The following UGT1A9 variants were observed in gnomAD, a reference collection of about 807,000 sequenced individuals.
UGT1A9 encodes UDP-glucuronosyltransferase 1A9.
A neutral mutation model predicts 45.0 loss-of-function variants in UGT1A9; 35 were observed. The ratio of observed to expected loss-of-function variants is 0.78; its 90% CI spans 0.59 to 1.03. The LOEUF is 1.03. Among genes scored for constraint, UGT1A9 ranks in the 50% least tolerant of loss-of-function variants. The probability of loss-of-function intolerance (pLI) is 0.00; values close to 1 mark genes in which losing one functional copy is unlikely to be tolerated. For missense variants in UGT1A9, 687 were observed against 666.6 expected, an observed-to-expected ratio of 1.03 and a Z score of -0.34; for synonymous variants, 278 against 250.6, an observed-to-expected ratio of 1.11 and a Z score of -1.03.
chr2:233,693,978 G>T (rs1189326021), intron 1 of UGT1A9: 83 of 1,557,818 alleles, frequency 5.3e-5, no homozygotes, highest in Non-Finnish European at 6.9e-5. Flanking sequence ...GAGAAACGGT[G>T]GGGGGAAGTG....
intron 1 of UGT1A9, among the ~76,000 whole-genome samples, chr2:233,711,923 C>A (rs946379005): frequency 6.6e-6 from 1 of 152,212 alleles, no homozygotes. Context: ...TGCTCAGGGT[C>A]TCTCCATTAG....
At chr2:233,719,382 C>G in intron 1 of UGT1A9, 2 of 1,613,952 alleles carry the variant, frequency 1.2e-6, no homozygotes, top group Middle Eastern at 1.7e-4. Flanking sequence ...CACACAGTGT[C>G]CAAATCCTTC....
At chr2:233,746,807 G>C (rs1340541444) in intron 1 of UGT1A9, among the ~76,000 whole-genome samples, 4 of 151,778 alleles carry the variant, frequency 2.6e-5, no homozygotes, top group Admixed American at 2.0e-4. Flanking sequence ...CGTGAATGTG[G>C]ATTGCCTACT....
intron 1 of UGT1A9, among the ~76,000 whole-genome samples, chr2:233,697,134 A>G (rs537171274): frequency 4.9e-4 from 74 of 151,982 alleles, no homozygotes; most frequent in Non-Finnish European, 9.4e-4. Context: ...ATTTTTCTGT[A>G]ATAGTTTGAG....
chr2:233,722,513 C>T (rs940650282), intron 1 of UGT1A9, among the ~76,000 whole-genome samples: 2 of 152,128 alleles, frequency 1.3e-5, no homozygotes, highest in Non-Finnish European at 2.9e-5. Flanking sequence ...TTAATTGCAG[C>T]TTATTTTTGC....
At chr2:233,765,294 GAC>G (rs1698796099) in intron 1 of UGT1A9, among the ~76,000 whole-genome samples, 1 of 152,132 alleles carries the variant, frequency 6.6e-6, no homozygotes, top group Non-Finnish European at 1.5e-5. Flanking sequence ...CTACTATAAA[GAC>G]ACATGCACAT....
chr2:233,697,115 C>G (rs1237867700), intron 1 of UGT1A9, among the ~76,000 whole-genome samples: 1 of 151,998 alleles, frequency 6.6e-6, no homozygotes, highest in Non-Finnish European at 1.5e-5. Flanking sequence ...GAAGTATTCT[C>G]TCCTCTTCAT....
At chr2:233,745,794 G>T (rs1343106553) in intron 1 of UGT1A9, among the ~76,000 whole-genome samples, 1 of 150,980 alleles carries the variant, frequency 6.6e-6, no homozygotes, top group Non-Finnish European at 1.5e-5. Context: ...GGGGGCTGGG[G>T]TCTATCCCAG....
chr2:233,722,088 C>T (rs983768867), intron 1 of UGT1A9: 6 of 215,248 alleles, frequency 2.8e-5, no homozygotes, highest in African/African-American at 1.4e-4. Context: ...CACAGATCAC[C>T]TTAGGCCTCT....
intron 1 of UGT1A9, among the ~76,000 whole-genome samples, chr2:233,762,901 A>G (rs545178357): frequency 1.3e-5 from 2 of 152,194 alleles, no homozygotes; most frequent in Admixed American, 6.5e-5. Flanking sequence ...GCCAAATATC[A>G]GGGCTATTGA....
intron 1 of UGT1A9, among the ~76,000 whole-genome samples, chr2:233,707,608 G>A (rs2075975887): frequency 2.0e-5 from 3 of 148,460 alleles, no homozygotes; most frequent in Admixed American, 2.0e-4. Flanking sequence ...GTTGTAGTTT[G>A]TGGATTGTCA....
At chr2:233,736,071 G>A (rs1216077159) in intron 1 of UGT1A9, among the ~76,000 whole-genome samples, 1 of 152,146 alleles carries the variant, frequency 6.6e-6, no homozygotes, top group Non-Finnish European at 1.5e-5. Flanking sequence ...TGCTAGGTTT[G>A]GGAAGTTCTC....
chr2:233,758,882 G>A (rs1040382997), intron 1 of UGT1A9, among the ~76,000 whole-genome samples: 12 of 152,162 alleles, frequency 7.9e-5, no homozygotes, highest in African/African-American at 2.7e-4. Context: ...ATAGTCCATG[G>A]TCAATAAATA....
chr2:233,769,864 A>C lies in UGT1A9; in HGVS notation c.1295+1425A>C, dbSNP rs2126048970. On this transcript the variant is annotated intron_variant, in intron 4 of 4. Transcript: ENST00000354728. The surrounding 1 kb of genome is among the most constrained non-coding windows in gnomAD (Gnocchi z 4.4). ...CAGAGTGAGACCCTGTCTCAAAAAA[A>C]AAAAAAAAAATGAAAAGTCCACATA... 6.3e-6 allele frequency: 3 copies of C among 472,760 alleles called. No homozygotes were observed. The highest frequency in any genetic ancestry group is 3.9e-5 in the South Asian group (1 of 25,612). The allele number at this position is 472,760 out of a possible 1,614,324, so 29.3% of individuals were successfully genotyped here. A position where few individuals can be genotyped will look rare whatever the true frequency, so the allele number is the denominator to read the frequency against.
rs73999011 is a variant in UGT1A9, at chr2:233,757,577, C to G, written c.856-9457C>G. 5.1e-3 allele frequency among the ~76,000 whole-genome samples: 424 copies of G among 82,900 alleles called. 2 individuals are homozygous for G. Among genetic ancestry groups the G allele is most frequent in the African/African-American group, 0.022 (407 of 18,728 alleles). The allele number at this position is 82,900 out of a possible 152,430, so 54.4% of individuals were successfully genotyped here. On this transcript the variant is annotated intron_variant, in intron 1 of 4. Transcript: ENST00000354728. ...ATATATATATGTATATATGATATAGCTATAGTCTAATAGCAAGGACAGATA... is the reference window on the plus strand; with the variant it reads ...ATATATATATGTATATATGATATAGGTATAGTCTAATAGCAAGGACAGATA...
intron 1 of UGT1A9, chr2:233,729,198 C>T (rs2077812796): frequency 6.2e-6 from 10 of 1,614,028 alleles, no homozygotes; most frequent in Non-Finnish European, 8.5e-6. Flanking sequence ...GTGTCCAGCC[C>T]TGGGCTGAGA....
intron 1 of UGT1A9, among the ~76,000 whole-genome samples, chr2:233,704,998 T>C (rs2075816736): frequency 6.6e-6 from 1 of 151,990 alleles, no homozygotes; most frequent in African/African-American, 2.4e-5. Flanking sequence ...TAGCCGGGTA[T>C]GGTGGCAGGC....
Position 233,772,326 on chromosome 2 carries a change from C to T in UGT1A9, c.1360C>T (p.Leu454=), listed in dbSNP as rs767264478. The stretch of plus-strand genomic sequence containing the variant: ...GGACCGCCCGGTGGAGCCGCTGGAC[C>T]TGGCCGTGTTCTGGGTGGAGTTTGT... ...HKDRPVEPLD[L]AVFWVEFVMR... The change falls in exon 5 of 5, where the codon CTG becomes TTG. Residue 454 remains leucine, a synonymous_variant. Coordinates refer to ENST00000354728, the MANE Select transcript of UGT1A9 (RefSeq NM_021027.3). 1 of 1,614,166 alleles carries T rather than the reference C, an allele frequency of 6.2e-7. No homozygotes were observed. The highest frequency in any genetic ancestry group is 2.2e-5 in the East Asian group (1 of 44,878).
Position 233,698,733 on chromosome 2 carries a change from A to G in UGT1A9, c.855+25944A>G, listed in dbSNP as rs76518000. 8.6e-3 allele frequency among the ~76,000 whole-genome samples: 1,305 copies of G among 152,372 alleles called. 33 individuals carry two copies. Among genetic ancestry groups the G allele is most frequent in the East Asian group, 0.059 (306 of 5,188 alleles). On this transcript the variant is annotated intron_variant, in intron 1 of 4. Transcript: ENST00000354728. ...GCCTTTTGAAAACCATAGCTTGGTG[A>G]CCATTTTTTACATAATGCTATGATT...
Sources: allele counts gnomAD v4.1 joint callset (sites outside exome capture counted in the v4.1 genomes callset), GRCh38; gene constraint gnomAD v4.1.1; non-coding constraint Gnocchi (gnomAD v3.1); transcripts MANE v1.5; gene names NCBI Gene and HGNC (gene_info 2026-07-23, HGNC 2026-07-21).